The following SPAG16 variants were observed in gnomAD, a reference collection of about 807,000 sequenced individuals.
SPAG16 encodes the protein sperm associated antigen 16, also known as sperm-associated antigen 16 protein.
SPAG16 carries 86 observed loss-of-function variants against 80.4 expected under a neutral mutation model. The ratio of observed to expected loss-of-function variants is 1.07; its 90% confidence interval spans 0.90 to 1.28. The LOEUF (loss-of-function observed/expected upper bound fraction) is 1.28. SPAG16 is among the 50% of genes most tolerant of loss of function. The pLI is 0.00. For missense variants in SPAG16, 870 were observed against 765.3 expected (o/e 1.14, Z -1.61); for synonymous variants, 294 against 265.9 (o/e 1.11, Z -1.03).
intron 7 of SPAG16, among the ~76,000 whole-genome samples, chr2:213,361,755 A>T (rs1318213762): frequency 1.3e-5 from 2 of 150,412 alleles, no homozygotes; most frequent in African/African-American, 4.9e-5. Flanking sequence ...TGGATCCCCA[A>T]CTAAATTTGA....
chr2:214,192,650 T>C (rs1227733280), intron 15 of SPAG16, among the ~76,000 whole-genome samples: 1 of 152,102 alleles, frequency 6.6e-6, no homozygotes, highest in East Asian at 1.9e-4. Flanking sequence ...TTTTGTACTT[T>C]TCCAAAGAGA....
At chr2:214,119,150 A>T (rs904636702) in intron 14 of SPAG16, among the ~76,000 whole-genome samples, 1 of 152,150 alleles carries the variant, frequency 6.6e-6, no homozygotes, top group African/African-American at 2.4e-5. Context: ...ACAGAAACAG[A>T]TAGGCAATAA....
chr2:213,987,713 C>A (rs898096007), intron 12 of SPAG16, among the ~76,000 whole-genome samples: 1 of 151,238 alleles, frequency 6.6e-6, no homozygotes. Flanking sequence ...CACACATTTT[C>A]AAAAGGTATG....
At chr2:213,329,912 A>AG (rs1454766846) in intron 5 of SPAG16, among the ~76,000 whole-genome samples, 4 of 152,234 alleles carry the variant, frequency 2.6e-5, no homozygotes, top group Non-Finnish European at 5.9e-5. Flanking sequence ...CATGACTAAA[A>AG]GGGGCCAAGG....
chr2:213,633,416 G>A (rs539860204), intron 10 of SPAG16, among the ~76,000 whole-genome samples: 3 of 151,984 alleles, frequency 2.0e-5, no homozygotes, highest in Non-Finnish European at 2.9e-5. Flanking sequence ...TTTTTTGAAC[G>A]TTTTAAGACT....
intron 10 of SPAG16, among the ~76,000 whole-genome samples, chr2:213,808,544 T>A (rs903547565): frequency 2.0e-5 from 3 of 152,116 alleles, no homozygotes; most frequent in Admixed American, 6.6e-5. Flanking sequence ...TTGGCTGTTG[T>A]ATGGACCATG....
intron 12 of SPAG16, among the ~76,000 whole-genome samples, chr2:214,000,098 G>A (rs926303047): frequency 1.3e-5 from 2 of 152,196 alleles, no homozygotes; most frequent in African/African-American, 4.8e-5. Flanking sequence ...GTTTTCAAAT[G>A]TGAGGACATG....
At chr2:213,586,056 TAAGA>T (rs1315571491) in intron 10 of SPAG16, among the ~76,000 whole-genome samples, 1 of 152,212 alleles carries the variant, frequency 6.6e-6, no homozygotes, top group East Asian at 1.9e-4. Context: ...AGAGATTACA[TAAGA>T]AAGAAGTAGT....
chr2:214,122,528 A>G (rs1409029903), intron 14 of SPAG16, among the ~76,000 whole-genome samples: 2 of 151,870 alleles, frequency 1.3e-5, no homozygotes, highest in Non-Finnish European at 2.9e-5. Flanking sequence ...TTTGTTTGTT[A>G]CCTAAGTTCA....
intron 7 of SPAG16, among the ~76,000 whole-genome samples, chr2:213,360,101 A>T (rs1484531877): frequency 6.6e-6 from 1 of 152,216 alleles, no homozygotes; most frequent in African/African-American, 2.4e-5. Flanking sequence ...AAATTTAAAT[A>T]GGAGGTGCTA....
intron 10 of SPAG16, among the ~76,000 whole-genome samples, chr2:213,718,402 C>A (rs555357949): frequency 1.6e-3 from 246 of 152,306 alleles, no homozygotes; most frequent in Non-Finnish European, 2.9e-3. Context: ...TTTGAGGAGC[C>A]CTTCAGTCCC....
At chr2:213,340,630 T>G (rs1042716128) in intron 6 of SPAG16, among the ~76,000 whole-genome samples, 4 of 152,146 alleles carry the variant, frequency 2.6e-5, no homozygotes, top group Non-Finnish European at 4.4e-5. Flanking sequence ...TCTTTGCAGA[T>G]AGTACATCCT....
At chr2:213,569,924 G>A (rs1423467734) in intron 10 of SPAG16, among the ~76,000 whole-genome samples, 1 of 125,666 alleles carries the variant, frequency 8.0e-6, no homozygotes, top group Non-Finnish European at 1.6e-5. Context: ...CCTGTTATTG[G>A]TCTATTCAGA....
At chr2:214,250,599 A>G (rs1690180608) in intron 15 of SPAG16, among the ~76,000 whole-genome samples, 1 of 147,968 alleles carries the variant, frequency 6.8e-6, no homozygotes, top group Middle Eastern at 3.6e-3. Flanking sequence ...TTTGCAATAT[A>G]AAGTAAAATT....
chr2:213,764,529 ACT>A (rs1455366469), intron 10 of SPAG16, among the ~76,000 whole-genome samples: 4 of 152,192 alleles, frequency 2.6e-5, no homozygotes, highest in East Asian at 1.9e-4. Flanking sequence ...TTTTTTTTAA[ACT>A]CTCTGAAAAA....
intron 13 of SPAG16, among the ~76,000 whole-genome samples, chr2:214,094,172 T>C (rs924853832): frequency 6.6e-6 from 1 of 152,104 alleles, no homozygotes; most frequent in African/African-American, 2.4e-5. Context: ...GGAGGGAATA[T>C]TTATACCATG....
intron 10 of SPAG16, among the ~76,000 whole-genome samples, chr2:213,846,654 A>G (rs544519106): frequency 3.9e-4 from 60 of 152,282 alleles, no homozygotes; most frequent in African/African-American, 1.4e-3. Flanking sequence ...TCTTATATTT[A>G]AAATATTAGA....
chr2:213,538,397 A>G (rs2076319667), intron 10 of SPAG16, among the ~76,000 whole-genome samples: 1 of 152,152 alleles, frequency 6.6e-6, no homozygotes, highest in Non-Finnish European at 1.5e-5. Context: ...ATTTACTTTG[A>G]TTAAAATCTT....
intron 10 of SPAG16, among the ~76,000 whole-genome samples, chr2:213,645,733 A>C (rs2062797618): frequency 6.6e-6 from 1 of 152,100 alleles, no homozygotes; most frequent in Non-Finnish European, 1.5e-5. Context: ...GGGTGATGCC[A>C]GCTCTCCCTT....
Sources: gnomAD v4.1 joint callset for allele counts (sites outside exome capture counted in the v4.1 genomes callset) on GRCh38, gnomAD v4.1.1 for gene constraint, MANE v1.5 for transcripts, NCBI Gene and HGNC (gene_info 2026-07-23, HGNC 2026-07-21) for gene names.